PCDHA2: variants seen among roughly 807,000 people sequenced by gnomAD.
PCDHA2 encodes the protein protocadherin alpha-2.
PCDHA2 carries 58 observed loss-of-function variants against 66.0 expected under a neutral mutation model. The ratio of observed to expected loss-of-function variants is 0.88; its 90% confidence interval spans 0.71 to 1.09. PCDHA2 has a LOEUF of 1.09. Ranked by LOEUF, PCDHA2 falls within the 50% of genes least tolerant of loss-of-function variation. PCDHA2 has a pLI of 0.00. For missense variants in PCDHA2, 1,267 were observed against 1,242.3 expected (o/e 1.02, Z -0.30); for synonymous variants, 634 against 554.0 (o/e 1.14, Z -2.03).
chr5:140,806,884 T>C (rs2149993035), intron 1 of PCDHA2: 1 of 424,894 alleles, frequency 2.4e-6, no homozygotes, highest in Admixed American at 4.0e-5. Flanking sequence ...TAGTACAAAA[T>C]GTATTCCTAT....
chr5:140,852,582 ATT>A (rs527656692), intron 1 of PCDHA2: 197 of 691,142 alleles, frequency 2.9e-4, no homozygotes, highest in Middle Eastern at 7.5e-4. Context: ...AGGCTTTTTT[ATT>A]TTTTTTTTTT....
intron 1 of PCDHA2, among the ~76,000 whole-genome samples, chr5:140,976,335 G>T (rs1554237529): frequency 6.6e-6 from 1 of 152,140 alleles, no homozygotes; most frequent in East Asian, 1.9e-4. Flanking sequence ...TGGATTGCCT[G>T]AGGTCAGGTG....
chr5:140,849,832 C>A lies in PCDHA2; in HGVS notation c.2388+52480C>A, dbSNP rs145333813. On this transcript the variant is annotated intron_variant, in intron 1 of 3. Coordinates refer to ENST00000526136, the MANE Select transcript of PCDHA2 (RefSeq NM_018905.3). ...ACGGCCAGGGTGTCTGTGGAGGTGG[C>A]CGACGTGAACGACAACGCACCAGCG... 3.2e-4 allele frequency: 518 copies of A among 1,598,398 alleles called. 39 individuals carry two copies. In the African/African-American group the frequency reaches 4.3e-3, roughly 13 times the overall value.
intron 1 of PCDHA2, among the ~76,000 whole-genome samples, chr5:140,881,901 T>C (rs1455904146): frequency 6.6e-6 from 1 of 152,208 alleles, no homozygotes; most frequent in Non-Finnish European, 1.5e-5. Context: ...TGTCAGCTAA[T>C]ATAAAATGTT....
chr5:140,807,311 G>C (rs781800843), intron 1 of PCDHA2: 3 of 1,614,084 alleles, frequency 1.9e-6, no homozygotes, highest in Non-Finnish European at 1.7e-6. Context: ...GGCCAAACAC[G>C]GCACCTTCGT....
At chr5:140,870,333 C>A in intron 1 of PCDHA2, 1 of 1,614,164 alleles carries the variant, frequency 6.2e-7, no homozygotes, top group Non-Finnish European at 8.5e-7. Flanking sequence ...TGCTGGACAG[C>A]GCCCTGGACC....
At position 140,870,930 on chromosome 5, in the gene PCDHA2, A is replaced by G. The variant is rs373236202; in HGVS notation, c.2388+73578A>G. ...GCTACAACGCGTGGCTTTCATATGA[A>G]TTGCAGCCGGCGGCGGGCGGCTCGC... On this transcript the variant is annotated intron_variant, in intron 1 of 3. Coordinates refer to ENST00000526136, the MANE Select transcript of PCDHA2 (RefSeq NM_018905.3). 1.9e-6 allele frequency: 3 copies of G among 1,613,850 alleles called. No homozygotes were observed. The East Asian group carries it at 6.7e-5, about 36-fold the overall frequency.
At chr5:140,923,020 G>A (rs946669637) in intron 1 of PCDHA2, among the ~76,000 whole-genome samples, 6 of 152,228 alleles carry the variant, frequency 3.9e-5, no homozygotes, top group Admixed American at 1.3e-4. Context: ...CTGCAGTTTC[G>A]GACTCTATTA....
intron 1 of PCDHA2, chr5:140,882,644 A>G (rs368491324): frequency 1.9e-6 from 3 of 1,614,138 alleles, no homozygotes; most frequent in Admixed American, 1.7e-5. Flanking sequence ...GGTGAGGGAC[A>G]TTAACGACAA....
chr5:140,897,409 A>G (rs945260120), intron 1 of PCDHA2, among the ~76,000 whole-genome samples: 16 of 140,532 alleles, frequency 1.1e-4, no homozygotes, highest in Non-Finnish European at 1.7e-4. Flanking sequence ...TCATTGTTCA[A>G]TTCCCATCTA....
chr5:140,973,894 G>A (rs1161980569), intron 1 of PCDHA2, among the ~76,000 whole-genome samples: 1 of 152,194 alleles, frequency 6.6e-6, no homozygotes, highest in African/African-American at 2.4e-5. Flanking sequence ...ATTTGCAAAT[G>A]TTTGAGGAAA....
At chr5:140,804,286 C>T (rs1030702864) in intron 1 of PCDHA2, 3 of 152,024 alleles carry the variant, frequency 2.0e-5, no homozygotes, top group African/African-American at 7.2e-5. Context: ...CATCTTTGTT[C>T]ATCTTTAGTT....
Position 140,795,513 on chromosome 5 carries a change from G to C in PCDHA2, c.549G>C (p.Gln183His), listed in dbSNP as rs782757150. Residue 183 changes from glutamine (Q) to histidine (H), a missense_variant, in exon 1 of 4, where the codon CAG (glutamine) becomes CAC (histidine). Transcript: ENST00000526136. ...GTGAGTTTTTCTTCCTAGATATACA[G>C]GCAAATGATGAACTAAGCGAATCTT... Reference protein sequence around the residue: ...SSSEFFFLDIQANDELSESLS... With the variant: ...SSSEFFFLDIHANDELSESLS... 3.7e-6 allele frequency: 6 copies of C among 1,614,028 alleles called. No homozygotes were observed. The African/African-American group carries it at 8.0e-5, about 22-fold the overall frequency.
chr5:140,983,113 A>G (rs2097027812), intron 3 of PCDHA2, among the ~76,000 whole-genome samples: 2 of 152,254 alleles, frequency 1.3e-5, no homozygotes, highest in Admixed American at 6.5e-5. Context: ...CTGCACATCA[A>G]CAACATTCTG....
chr5:140,967,725 T>C lies in PCDHA2; in HGVS notation c.2389-11224T>C, dbSNP rs782758957. 16 of 1,613,798 alleles carry C rather than the reference T, an allele frequency of 9.9e-6. No individual in the cohort carries two copies. The East Asian group carries it at 2.0e-4, about 20-fold the overall frequency. On this transcript the variant is annotated intron_variant, in intron 1 of 3. Transcript: ENST00000526136. ...GCCAGTACCGGGGAAGTGCGAGTAA[T>C]TGGGGGGCTGGATTATGAGGAAGCC...
intron 1 of PCDHA2, among the ~76,000 whole-genome samples, chr5:140,921,151 AT>A (rs11299094): frequency 0.63 from 94,902 of 151,506 alleles, 30,179 homozygotes; most frequent in African/African-American, 0.71. Flanking sequence ...CAGCTAATGC[AT>A]TTTTTTTTTA....
chr5:141,009,452 TAAAC>T (rs1226554195), intron 3 of PCDHA2, among the ~76,000 whole-genome samples, 171 bp from the exon 4 acceptor site: 1 of 152,120 alleles, frequency 6.6e-6, no homozygotes, highest in Non-Finnish European at 1.5e-5. Flanking sequence ...TCAAAAAAAT[TAAAC>T]AAATAAATAA....
At chr5:140,943,789 T>C (rs2093567416) in intron 1 of PCDHA2, among the ~76,000 whole-genome samples, 1 of 152,228 alleles carries the variant, frequency 6.6e-6, no homozygotes, top group African/African-American at 2.4e-5. Flanking sequence ...TGGTCCTTTA[T>C]GCAAAGCAAA....
chr5:140,906,382 G>A (rs1384682039), intron 1 of PCDHA2, among the ~76,000 whole-genome samples: 2 of 152,072 alleles, frequency 1.3e-5, no homozygotes, highest in Non-Finnish European at 2.9e-5. Context: ...ATTACATAAA[G>A]TTAACATTTA....
Sources: allele counts gnomAD v4.1 joint callset (sites outside exome capture counted in the v4.1 genomes callset), GRCh38; gene constraint gnomAD v4.1.1; transcripts MANE v1.5; gene names NCBI Gene and HGNC (gene_info 2026-07-23, HGNC 2026-07-21).